Variants in FAT3 observed in about 807,000 individuals in gnomAD.
FAT3 encodes the protein FAT atypical cadherin 3.
A neutral mutation model predicts 310.2 loss-of-function variants in FAT3; 95 were observed. The observed-to-expected ratio is 0.31, with a 90% CI of 0.26 to 0.36. FAT3 has a LOEUF of 0.36. FAT3 is among the 10% of genes least tolerant of loss of function. The pLI is 1.00. For synonymous variants in FAT3, 2,314 were observed against 2,192.9 expected, an observed-to-expected ratio of 1.06 and a Z score of -1.54; for missense variants, 5,408 against 5,715.6, an observed-to-expected ratio of 0.95 and a Z score of 1.74.
intron 17 of FAT3, among the ~76,000 whole-genome samples, chr11:92,838,580 T>G (rs184906364): frequency 1.3e-3 from 197 of 152,234 alleles, no homozygotes; most frequent in Non-Finnish European, 2.2e-3. Context: ...TGTAGAGGAC[T>G]TAGAGAAGAC....
At chr11:92,391,592 A>G (rs1949750895) in intron 2 of FAT3, among the ~76,000 whole-genome samples, 2 of 152,158 alleles carry the variant, frequency 1.3e-5, no homozygotes. Flanking sequence ...GATCATGTGT[A>G]TTCTTAAGTG....
At chr11:92,705,812 G>T in intron 4 of FAT3, among the ~76,000 whole-genome samples, 1 of 146,690 alleles carries the variant, frequency 6.8e-6, no homozygotes. Context: ...GGTGTTGGTG[G>T]TGGTGTGATG....
chr11:92,575,324 T>C (rs1938421928), intron 3 of FAT3, among the ~76,000 whole-genome samples: 1 of 152,186 alleles, frequency 6.6e-6, no homozygotes, highest in Admixed American at 6.6e-5. Context: ...TGTTTTCTTC[T>C]GCTTCTCAGG....
intron 2 of FAT3, among the ~76,000 whole-genome samples, chr11:92,375,498 C>T (rs1029420804): frequency 1.3e-5 from 2 of 149,826 alleles, no homozygotes; most frequent in Non-Finnish European, 3.0e-5. Flanking sequence ...AGCTCATGCC[C>T]ATGGTTGACA....
At position 92,409,624 on chromosome 11, in the gene FAT3, T is replaced by C. The variant is rs1424258709; in HGVS notation, c.3292+54220T>C. 4.6e-5 allele frequency among the ~76,000 whole-genome samples: 7 copies of C among 152,204 alleles called. No homozygotes were observed. The East Asian group carries it at 1.3e-3, about 29-fold the overall frequency. On this transcript the variant is annotated intron_variant, in intron 2 of 27. Transcript: ENST00000525166. ...GTGTTTTAAAGTGCTGTCAAATTAT[T>C]ATCATTTTTTTGGTCCCAGTCCTTG...
chr11:92,676,112 G>A (rs1943281726), intron 3 of FAT3, among the ~76,000 whole-genome samples: 2 of 152,134 alleles, frequency 1.3e-5, no homozygotes, highest in Non-Finnish European at 2.9e-5. Context: ...GCAGCGAGCA[G>A]CAAATATCTG....
rs1221629345 is a variant in FAT3, at chr11:92,668,345, CAAA to C, written c.3608-29038_3608-29036del. On this transcript the variant is annotated intron_variant, in intron 3 of 27. Coordinates refer to ENST00000525166, the MANE Select transcript of FAT3 (RefSeq NM_001367949.2). ...TATTCTGCACATAAAATAGAAGACA[CAAA>C]GAAGAATAAGACATGGTCTTTACCC... Among the ~76,000 whole-genome samples the C allele has an allele frequency of 5.9e-5, 9 of 152,278 alleles. No homozygotes were observed. The East Asian group carries it at 1.7e-3, about 29-fold the overall frequency.
intron 3 of FAT3, among the ~76,000 whole-genome samples, chr11:92,644,937 T>A (rs1942095772): frequency 1.3e-5 from 2 of 152,202 alleles, no homozygotes; most frequent in Admixed American, 1.3e-4. Context: ...TCTTCTTGAT[T>A]GGAGTGAAAA....
chr11:92,411,589 C>A (rs939546012), intron 2 of FAT3, among the ~76,000 whole-genome samples: 2 of 152,116 alleles, frequency 1.3e-5, no homozygotes, highest in East Asian at 3.9e-4. Flanking sequence ...GGCTGTGTTT[C>A]GCATGGAAGG....
chr11:92,281,800 G>A (rs1386463611), intron 1 of FAT3, among the ~76,000 whole-genome samples: 2 of 152,144 alleles, frequency 1.3e-5, no homozygotes, highest in African/African-American at 4.8e-5. Context: ...AGAAATGATT[G>A]TATGTTTGGA....
intron 3 of FAT3, among the ~76,000 whole-genome samples, chr11:92,573,921 A>G (rs1172249222): frequency 1.3e-5 from 2 of 152,156 alleles, no homozygotes; most frequent in Admixed American, 6.6e-5. Context: ...ACATTGGTCA[A>G]TTTAAAAAAA....
rs148560006 is a variant in FAT3, at chr11:92,553,154, G to A, written c.3607+28206G>A. Among the ~76,000 whole-genome samples, 1,227 of 152,146 alleles carry A rather than the reference G, an allele frequency of 8.1e-3. 16 individuals carry two copies. Among genetic ancestry groups the A allele is most frequent in the African/African-American group, 0.028 (1,151 of 41,508 alleles). On this transcript the variant is annotated intron_variant, in intron 3 of 27. Coordinates refer to ENST00000525166, the MANE Select transcript of FAT3 (RefSeq NM_001367949.2). ...CAAGGAGTAATATCACCACCTTATG[G>A]CCTTTTACAATAATGCTGCGAAAAA...
rs545530005 is a variant in FAT3, at chr11:92,677,412, G to C, written c.3608-19972G>C. ...AAATGAACTCTGAGATTTGAATCCA[G>C]TCCATTGATACAAATGAGATTAGAT... On this transcript the variant is annotated intron_variant, in intron 3 of 27. Transcript: ENST00000525166. 2.8e-4 allele frequency among the ~76,000 whole-genome samples: 43 copies of C among 152,318 alleles called. No individual in the cohort carries two copies. The East Asian group carries it at 7.3e-3, about 26-fold the overall frequency.
At chr11:92,778,954 G>A (rs550821276) in intron 7 of FAT3, among the ~76,000 whole-genome samples, 42 of 152,274 alleles carry the variant, frequency 2.8e-4, no homozygotes, top group African/African-American at 1.0e-3. Context: ...TTCTGTGGGA[G>A]AAAGGGGTAC....
intron 1 of FAT3, among the ~76,000 whole-genome samples, chr11:92,296,377 G>T (rs948266701): frequency 2.6e-5 from 4 of 152,040 alleles, no homozygotes; most frequent in Non-Finnish European, 5.9e-5. Context: ...ATGCATTTAA[G>T]GATTGTTTAA....
At chr11:92,656,679 T>C (rs1942593026) in intron 3 of FAT3, among the ~76,000 whole-genome samples, 1 of 152,214 alleles carries the variant, frequency 6.6e-6, no homozygotes, top group Non-Finnish European at 1.5e-5. Context: ...ATGGTTTCTG[T>C]GTAAAAAATA....
chr11:92,366,993 G>C, intron 2 of FAT3: 2 of 521,648 alleles, frequency 3.8e-6, no homozygotes, highest in Non-Finnish European at 3.8e-6. Context: ...CCTTATTGAG[G>C]TGTCAAGTCC....
intron 2 of FAT3, among the ~76,000 whole-genome samples, chr11:92,445,483 A>G (rs1199255969): frequency 2.6e-5 from 4 of 152,012 alleles, no homozygotes; most frequent in African/African-American, 9.7e-5. Context: ...TCTTCCATCC[A>G]CTGTCTGGCT....
At chr11:92,415,862 T>TTTTTTTTTTTTA in intron 2 of FAT3, among the ~76,000 whole-genome samples, 1 of 146,104 alleles carries the variant, frequency 6.8e-6, no homozygotes. Flanking sequence ...TTTTTTTTTT[T>TTTTTTTTTTTTA]TTTTTTTTTT....
Sources: gnomAD v4.1 joint callset for allele counts (sites outside exome capture counted in the v4.1 genomes callset) on GRCh38, gnomAD v4.1.1 for gene constraint, MANE v1.5 for transcripts, NCBI Gene and HGNC (gene_info 2026-07-23, HGNC 2026-07-21) for gene names.